Variants in FMN1 observed in about 807,000 individuals in gnomAD.
The protein encoded by FMN1 is formin 1, also known as formin-1.
A neutral mutation model predicts 132.4 loss-of-function variants in FMN1; 110 were observed. That is an observed-to-expected ratio of 0.83 (90% CI 0.71 to 0.97). FMN1 has a LOEUF of 0.97. Among genes scored for constraint, FMN1 ranks in the 50% least tolerant of loss-of-function variants. The probability of loss-of-function intolerance (pLI) is 0.00; values close to 1 mark genes in which losing one functional copy is unlikely to be tolerated. For synonymous variants in FMN1, 722 were observed against 651.7 expected (o/e 1.11, Z -1.64); for missense variants, 1,792 against 1,705.3 (o/e 1.05, Z -0.90).
rs141146516 is a variant in FMN1 at position 32,952,184 on chromosome 15, T to C, written c.3138+11923A>G. On this transcript the variant is annotated intron_variant, in intron 9 of 20. Coordinates refer to ENST00000616417, the MANE Select transcript of FMN1 (RefSeq NM_001277313.2). ...TCCACACCCCAAGAGTATATGTATA[T>C]ACAACAAAAACATCATCATGGCCAA... Among the ~76,000 whole-genome samples the C allele has an allele frequency of 5.5e-4, 84 of 152,306 alleles. 1 individual carries two copies. In the East Asian group the frequency reaches 0.016, roughly 28 times the overall value.
At chr15:32,937,600 T>C (rs2140422150) in intron 9 of FMN1, among the ~76,000 whole-genome samples, 1 of 152,344 alleles carries the variant, frequency 6.6e-6, no homozygotes, top group South Asian at 2.1e-4. Flanking sequence ...AAATGCTATG[T>C]CATCCATGGA....
chr15:33,098,158 C>T (rs2141399791), intron 4 of FMN1, among the ~76,000 whole-genome samples: 1 of 152,184 alleles, frequency 6.6e-6, no homozygotes, highest in African/African-American at 2.4e-5. Context: ...ACTCATAGGT[C>T]AAAGAAGAAT....
At chr15:32,778,417 T>A (rs1377735309) in intron 19 of FMN1, among the ~76,000 whole-genome samples, 1 of 151,534 alleles carries the variant, frequency 6.6e-6, no homozygotes, top group Non-Finnish European at 1.5e-5. Context: ...TAGAAACTTG[T>A]GTCTGGAACA....
chr15:32,919,281 C>T (rs959675599), intron 10 of FMN1, among the ~76,000 whole-genome samples: 1 of 152,094 alleles, frequency 6.6e-6, no homozygotes, highest in Admixed American at 6.5e-5. Context: ...AATCCATCAA[C>T]AATAGGAAAA....
intron 6 of FMN1, among the ~76,000 whole-genome samples, chr15:33,019,557 G>A (rs147129960): frequency 6.6e-6 from 1 of 152,300 alleles, no homozygotes; most frequent in South Asian, 2.1e-4. Flanking sequence ...GGAGGCTCTG[G>A]CAGCGCAGAA....
intron 19 of FMN1, among the ~76,000 whole-genome samples, chr15:32,778,691 C>T (rs1403724023): frequency 1.3e-5 from 2 of 152,046 alleles, no homozygotes; most frequent in African/African-American, 4.8e-5. Flanking sequence ...AACTGGAACC[C>T]TTATACACTG....
chr15:32,829,899 G>A (rs1417449133), intron 17 of FMN1, among the ~76,000 whole-genome samples: 1 of 152,186 alleles, frequency 6.6e-6, no homozygotes, highest in East Asian at 1.9e-4. Context: ...ACAGAAATGA[G>A]GGGGGACACA....
rs35298684 is a variant in FMN1 at position 32,963,994 on chromosome 15, ATGTG to A, written c.3138+109_3138+112del. ...GATACACACACATATATGTATAGGT[ATGTG>A]TGTGTGTGTATATACGATACACACA... On this transcript the variant is annotated intron_variant, in intron 9 of 20. Coordinates refer to ENST00000616417, the MANE Select transcript of FMN1 (RefSeq NM_001277313.2). The A allele has an allele frequency of 9.9e-4, 470 of 473,732 alleles. 10 individuals carry two copies. The South Asian group carries it at 0.016, about 17-fold the overall frequency. 29.3% of individuals were successfully genotyped at this position (473,732 alleles called of 1,614,324 possible). A position where few individuals can be genotyped will look rare whatever the true frequency, so the allele number is the denominator to read the frequency against.
At position 32,949,982 on chromosome 15, in the gene FMN1, C is replaced by CAT. The variant is rs1332663662; in HGVS notation, c.3138+14124_3138+14125insAT. Among the ~76,000 whole-genome samples the CAT allele has an allele frequency of 3.9e-3, 23 of 5,894 alleles. 2 individuals are homozygous for CAT. The highest frequency in any genetic ancestry group is 5.7e-3 in the South Asian group (1 of 174). The allele number at this position is 5,894 out of a possible 152,430, so 3.9% of individuals were successfully genotyped here. A position where few individuals can be genotyped will look rare whatever the true frequency, so the allele number is the denominator to read the frequency against. On this transcript the variant is annotated intron_variant, in intron 9 of 20. Transcript: ENST00000616417. Reference sequence around the variant, plus strand: ...ATATATATACACACATATATATACACACACATATATATACACATACACATA... The same window carrying CAT: ...ATATATATACACACATATATATACACATACACATATATATACACATACACATA...
At chr15:33,066,687 T>C in intron 5 of FMN1, 1 of 1,613,694 alleles carries the variant, frequency 6.2e-7, no homozygotes. Context: ...TCCAGGGCTG[T>C]CTCTGGCGAC....
intron 4 of FMN1, among the ~76,000 whole-genome samples, chr15:33,139,201 C>T (rs1325154407): frequency 1.3e-5 from 2 of 152,060 alleles, no homozygotes; most frequent in Non-Finnish European, 2.9e-5. Context: ...GTTGTGTATC[C>T]CCTTGAATTC....
intron 3 of FMN1, among the ~76,000 whole-genome samples, chr15:33,166,364 C>T (rs544494117): frequency 6.6e-6 from 1 of 151,438 alleles, no homozygotes; most frequent in East Asian, 1.9e-4. Flanking sequence ...AACAAAGTGC[C>T]ATTTTTAAAA....
intron 4 of FMN1, among the ~76,000 whole-genome samples, chr15:33,145,227 T>C (rs1015710741): frequency 1.2e-4 from 18 of 152,024 alleles, no homozygotes; most frequent in Middle Eastern, 3.2e-3. Context: ...AGGGCTGCTG[T>C]AGTCAAAGGT....
chr15:32,969,503 A>C (rs745331966), intron 7 of FMN1, 26 bp from the exon 8 acceptor site: 1 of 1,606,260 alleles, frequency 6.2e-7, no homozygotes, highest in South Asian at 1.1e-5. Flanking sequence ...GAGGGAAAGA[A>C]AGTAATGAGT....
At chr15:32,823,717 C>A (rs1019157313) in intron 17 of FMN1, among the ~76,000 whole-genome samples, 1 of 152,180 alleles carries the variant, frequency 6.6e-6, no homozygotes, top group Admixed American at 6.5e-5. Flanking sequence ...GTGGTACAAT[C>A]ATAACCATTT....
At chr15:32,791,668 A>G (rs1024129600) in intron 19 of FMN1, among the ~76,000 whole-genome samples, 7 of 152,228 alleles carry the variant, frequency 4.6e-5, no homozygotes, top group African/African-American at 1.7e-4. Flanking sequence ...AATACAGGGT[A>G]AAGAACAATC....
At chr15:33,002,878 G>A (rs973369411) in intron 7 of FMN1, among the ~76,000 whole-genome samples, 1 of 152,126 alleles carries the variant, frequency 6.6e-6, no homozygotes, top group Non-Finnish European at 1.5e-5. Context: ...GTGACTGCTA[G>A]AATAGTTTAA....
At chr15:32,944,004 T>G (rs1187237400) in intron 9 of FMN1, among the ~76,000 whole-genome samples, 1 of 152,152 alleles carries the variant, frequency 6.6e-6, no homozygotes, top group Non-Finnish European at 1.5e-5. Flanking sequence ...CTTTTATAGC[T>G]GTGGCTATTC....
intron 15 of FMN1, among the ~76,000 whole-genome samples, chr15:32,892,332 A>T (rs2060051488): frequency 6.6e-6 from 1 of 152,052 alleles, no homozygotes; most frequent in East Asian, 1.9e-4. Context: ...TTCTGTTCTT[A>T]ATTCTGTTTA....
Sources: allele counts gnomAD v4.1 joint callset (sites outside exome capture counted in the v4.1 genomes callset), GRCh38; gene constraint gnomAD v4.1.1; transcripts MANE v1.5; gene names NCBI Gene and HGNC (gene_info 2026-07-23, HGNC 2026-07-21).